The following EPB41L3 variants were observed in gnomAD, a reference collection of about 807,000 sequenced individuals.
The protein encoded by EPB41L3 is band 4.1-like protein 3.
In EPB41L3, 57 loss-of-function variants were observed where a neutral mutation model predicts 127.1. That is an observed-to-expected ratio of 0.45 (90% CI 0.36 to 0.56). The LOEUF (loss-of-function observed/expected upper bound fraction) is 0.56, where lower values mean the gene tolerates loss of function less well. Ranked by LOEUF, EPB41L3 falls within the 20% of genes least tolerant of loss-of-function variation. The pLI is 0.00. For synonymous variants in EPB41L3, 572 were observed against 549.5 expected (o/e 1.04, Z -0.57); for missense variants, 1,273 against 1,372.2 (o/e 0.93, Z 1.14).
chr18:5,614,958 CA>C (rs1182511166), intron 1 of EPB41L3, among the ~76,000 whole-genome samples: 2 of 152,022 alleles, frequency 1.3e-5, no homozygotes, highest in African/African-American at 4.8e-5. Context: ...TGAACATGGC[CA>C]GGGGACAAGG....
chr18:5,528,628 C>T (rs140409543), intron 1 of EPB41L3, among the ~76,000 whole-genome samples: 2 of 152,174 alleles, frequency 1.3e-5, no homozygotes, highest in East Asian at 3.9e-4. Flanking sequence ...GAGACAGTCT[C>T]ACTCTGTCAC....
chr18:5,519,188 A>G (rs773684613), intron 1 of EPB41L3, among the ~76,000 whole-genome samples: 4 of 152,230 alleles, frequency 2.6e-5, no homozygotes, highest in Non-Finnish European at 4.4e-5. Context: ...CGTGCATCAC[A>G]CTTGTAGCAA....
chr18:5,396,109 G>T (rs1416997955), intron 19 of EPB41L3, 92 bp downstream of exon 19: 6 of 1,476,134 alleles, frequency 4.1e-6, no homozygotes, highest in Non-Finnish European at 5.6e-6. Context: ...TAAGTCTCAT[G>T]AATTAAATAT....
intron 8 of EPB41L3, chr18:5,429,308 T>C (rs940284201): frequency 6.6e-6 from 1 of 152,174 alleles, no homozygotes; most frequent in Non-Finnish European, 1.5e-5. Flanking sequence ...TAATTTCCTA[T>C]GGATGTGTGA....
chr18:5,579,601 T>TC (rs1237724520), intron 3 of EPB41L3, among the ~76,000 whole-genome samples: 1 of 152,202 alleles, frequency 6.6e-6, no homozygotes, highest in Non-Finnish European at 1.5e-5. Context: ...CCCAAGCTCT[T>TC]CCTTTCTGAA....
At chr18:5,445,490 C>T (rs1445360757) in intron 3 of EPB41L3, among the ~76,000 whole-genome samples, 1 of 152,188 alleles carries the variant, frequency 6.6e-6, no homozygotes, top group Non-Finnish European at 1.5e-5. Flanking sequence ...ATCAACAGCG[C>T]TACTTAGTAT....
intron 1 of EPB41L3, among the ~76,000 whole-genome samples, chr18:5,538,806 C>A (rs1036131091): frequency 1.3e-5 from 2 of 152,130 alleles, no homozygotes; most frequent in African/African-American, 4.8e-5. Flanking sequence ...TTCTTCTTTT[C>A]TCTTGGTACC....
At chr18:5,630,368 G>T (rs772931113), upstream of EPB41L3, 3 of 518,314 alleles carry the variant, frequency 5.8e-6, no homozygotes, top group Non-Finnish European at 1.2e-5. Flanking sequence ...AGAAGAGAAA[G>T]GCGCTCACCT....
At chr18:5,455,818 A>T (rs1247444172) in intron 3 of EPB41L3, among the ~76,000 whole-genome samples, 2 of 151,046 alleles carry the variant, frequency 1.3e-5, no homozygotes, top group Non-Finnish European at 2.9e-5. Flanking sequence ...TGTTGGCAGC[A>T]AACTGTCAGA....
intron 2 of EPB41L3, among the ~76,000 whole-genome samples, chr18:5,484,467 T>C (rs1555743612): frequency 6.7e-6 from 1 of 149,026 alleles, no homozygotes; most frequent in African/African-American, 2.5e-5. Flanking sequence ...AAACCCCAAA[T>C]TAGGAAAAAA....
chr18:5,398,294 T>C, intron 16 of EPB41L3, 151 bp from the exon 17 acceptor site: 2 of 896,086 alleles, frequency 2.2e-6, no homozygotes, highest in Non-Finnish European at 1.7e-6. Flanking sequence ...ACGAAAAGAA[T>C]GGGAAATAAA....
At chr18:5,481,450 C>T (rs1321122515) in intron 2 of EPB41L3, among the ~76,000 whole-genome samples, 1 of 152,148 alleles carries the variant, frequency 6.6e-6, no homozygotes, top group Non-Finnish European at 1.5e-5. Context: ...AATCTTCCCC[C>T]AACTCGTAGA....
At chr18:5,537,835 A>G (rs902389071) in intron 1 of EPB41L3, among the ~76,000 whole-genome samples, 3 of 152,192 alleles carry the variant, frequency 2.0e-5, no homozygotes, top group Admixed American at 6.5e-5. Flanking sequence ...GAAATGAAGA[A>G]TTTTCAATAG....
intron 5 of EPB41L3, among the ~76,000 whole-genome samples, chr18:5,441,009 C>T (rs1020577497): frequency 6.6e-6 from 1 of 152,036 alleles, no homozygotes; most frequent in Non-Finnish European, 1.5e-5. Flanking sequence ...CCCTAGTAGC[C>T]AGGACTAACT....
chr18:5,630,364 G>C (rs748072418), upstream of EPB41L3: 1 of 518,230 alleles, frequency 1.9e-6, no homozygotes. Context: ...GCCAAGAAGA[G>C]AAAGGCGCTC....
rs998170949 is a variant in EPB41L3 at position 5,401,071 on chromosome 18, A to G, written c.2350-2928T>C. On this transcript the variant is annotated intron_variant, in intron 16 of 22. Transcript: ENST00000341928. ...GTTTGAATAAAGGGGGTTGGGTTGG[A>G]GAAGAGGAAGTAGACAGTTTCCAAA... The G allele has an allele frequency of 2.1e-6, 3 of 1,450,796 alleles. No individual in the cohort carries two copies. The African/African-American group carries it at 4.2e-5, about 20-fold the overall frequency. 89.9% of individuals were successfully genotyped at this position (1,450,796 alleles called of 1,614,324 possible).
rs1278805379 is a variant in EPB41L3 at position 5,395,144 on chromosome 18, C to T, written c.3076G>A (p.Val1026Met). The change falls in exon 21 of 23, where the codon GTG becomes ATG. Residue 1026 changes from valine (V) to methionine (M), a missense_variant. Physicochemically the swap from Val to Met is conservative, Grantham distance 21. Transcript: ENST00000341928. ...CTTGTCTCTGAAATGCCCCCTTTCACAGTCTGCAAGACACGTAGAGAAGCT... is the reference window on the plus strand; with the variant it reads ...CTTGTCTCTGAAATGCCCCCTTTCATAGTCTGCAAGACACGTAGAGAAGCT... The part of the protein sequence containing the change: ...TTTTTHITKT[V>M]KGGISETRIE... The T allele has an allele frequency of 6.2e-7, 1 of 1,613,812 alleles. No homozygotes were observed.
chr18:5,432,641 TCTACCA>T (rs1429617399), intron 8 of EPB41L3, among the ~76,000 whole-genome samples: 7 of 152,168 alleles, frequency 4.6e-5, no homozygotes, highest in Non-Finnish European at 8.8e-5. Flanking sequence ...CTATCTTCAT[TCTACCA>T]CTACTGAAAA....
chr18:5,495,021 C>A (rs1316013492), intron 1 of EPB41L3, among the ~76,000 whole-genome samples: 1 of 152,064 alleles, frequency 6.6e-6, no homozygotes, highest in Non-Finnish European at 1.5e-5. Context: ...CCACACAGGC[C>A]CTGAAGGGGC....
Sources: allele counts gnomAD v4.1 joint callset (sites outside exome capture counted in the v4.1 genomes callset), GRCh38; gene constraint gnomAD v4.1.1; transcripts MANE v1.5; gene names NCBI Gene and HGNC (gene_info 2026-07-23, HGNC 2026-07-21).